The following USP44 variants were observed in gnomAD, a reference collection of about 807,000 sequenced individuals.
USP44 encodes ubiquitin carboxyl-terminal hydrolase 44.
A neutral mutation model predicts 69.0 loss-of-function variants in USP44; 61 were observed. That is an observed-to-expected ratio of 0.88 (90% confidence interval 0.72 to 1.09). The LOEUF (loss-of-function observed/expected upper bound fraction) is 1.09. Among genes scored for constraint, USP44 ranks in the 50% least tolerant of loss-of-function variants. USP44 has a pLI of 0.00. For synonymous variants in USP44, 297 were observed against 295.4 expected (o/e 1.01, Z -0.06); for missense variants, 753 against 849.9 (o/e 0.89, Z 1.42).
At chr12:95,525,490 TAAAAAAG>T (rs982648877) in intron 3 of USP44, among the ~76,000 whole-genome samples, 1 of 151,882 alleles carries the variant, frequency 6.6e-6, no homozygotes, top group African/African-American at 2.4e-5. Context: ...TCAAAAGATT[TAAAAAAG>T]AAAAAAGAAA....
At position 95,518,239 on chromosome 12, in the gene USP44, G is replaced by A. The variant is rs1031567482; in HGVS notation, c.2054C>T (p.Ser685Phe). 4 of 1,614,042 alleles carry A rather than the reference G, an allele frequency of 2.5e-6. No individual in the cohort carries two copies. The African/African-American group carries it at 5.3e-5, about 22-fold the overall frequency. ...CAGGAGCTCTGGAGGCAAAAGTTTA[G>A]AATGTCCATTCTCAGTAACTCGTTG... Reference protein sequence around the residue: ...YTQRVTENGHSKLLPPELLLG... With the variant: ...YTQRVTENGHFKLLPPELLLG... The change falls in exon 6 of 6, where the codon TCT (serine) becomes TTT (phenylalanine). Residue 685 changes from serine to phenylalanine, a missense_variant. By Grantham distance (155) the Ser-to-Phe change is radical. Coordinates refer to ENST00000258499, the MANE Select transcript of USP44 (RefSeq NM_032147.5).
rs1380136409 is a variant in USP44 at position 95,551,322 on chromosome 12, C to CA, written c.-122dup. 6.6e-6 allele frequency: 1 copy of CA among 152,444 alleles called. No homozygotes were observed. The highest frequency in any genetic ancestry group is 1.5e-5 in the Non-Finnish European group (1 of 68,038). The allele number at this position is 152,444 out of a possible 1,614,324, so 9.4% of individuals were successfully genotyped here. A position where few individuals can be genotyped will look rare whatever the true frequency, so the allele number is the denominator to read the frequency against. On this transcript the variant is annotated 5_prime_UTR_variant, in exon 1 of 6. Transcript: ENST00000258499. ...TCCCCAGGTCGGCCTTTGGATAACT[C>CA]AGAGGTCAGTCCCTGCAGGATCGCC...
chr12:95,544,429 G>A (rs1400863770), intron 1 of USP44, among the ~76,000 whole-genome samples: 1 of 152,074 alleles, frequency 6.6e-6, no homozygotes, highest in African/African-American at 2.4e-5. Context: ...GAAGACACTT[G>A]GAAAGAAAGC....
chr12:95,542,845 T>C (rs1467506438), intron 1 of USP44, among the ~76,000 whole-genome samples: 2 of 151,810 alleles, frequency 1.3e-5, no homozygotes, highest in Non-Finnish European at 2.9e-5. Context: ...TCCCAGCACT[T>C]TGGGAGGCTG....
chr12:95,551,333 C>T lies in USP44; in HGVS notation c.-132G>A, dbSNP rs984483752. The stretch of plus-strand genomic sequence containing the variant: ...GCCTTTGGATAACTCAGAGGTCAGT[C>T]CCTGCAGGATCGCCCAGTTTCCATC... On this transcript the variant is annotated 5_prime_UTR_variant, in exon 1 of 6. Coordinates refer to ENST00000258499, the MANE Select transcript of USP44 (RefSeq NM_032147.5). 2 of 152,478 alleles carry T rather than the reference C, an allele frequency of 1.3e-5. No homozygotes were observed. Among genetic ancestry groups the T allele is most frequent in the Non-Finnish European group, 2.9e-5 (2 of 68,038 alleles). The allele number at this position is 152,478 out of a possible 1,614,324, so 9.4% of individuals were successfully genotyped here. A position where few individuals can be genotyped will look rare whatever the true frequency, so the allele number is the denominator to read the frequency against.
At chr12:95,545,452 A>G (rs2077539667) in intron 1 of USP44, among the ~76,000 whole-genome samples, 1 of 152,204 alleles carries the variant, frequency 6.6e-6, no homozygotes, top group Non-Finnish European at 1.5e-5. Flanking sequence ...TATTTTCCAT[A>G]ATAAAAGATA....
At chr12:95,528,105 G>C (rs1163722792) in intron 3 of USP44, among the ~76,000 whole-genome samples, 1 of 151,822 alleles carries the variant, frequency 6.6e-6, no homozygotes, top group Non-Finnish European at 1.5e-5. Flanking sequence ...TCCCAACGTG[G>C]TAGGATTACA....
intron 5 of USP44, 145 bp from the exon 6 acceptor site, chr12:95,518,498 G>T: frequency 1.2e-6 from 1 of 815,880 alleles, no homozygotes; most frequent in Non-Finnish European, 1.9e-6. Flanking sequence ...ATTGGGCAGT[G>T]TTACCCTGGA....
In USP44 at chr12:95,532,995, T is replaced by G; in HGVS notation, c.1262A>C (p.Gln421Pro). Residue 421 changes from glutamine (Q) to proline (P), a missense_variant, in exon 2 of 6, where the codon CAA (glutamine) becomes CCA (proline). Coordinates refer to ENST00000258499, the MANE Select transcript of USP44 (RefSeq NM_032147.5). ...ACAAAGAAATTCCTGAGCGTCTTGT[T>G]GGGCGTAACCACGAAAGGCAGGAAT... is the stretch of plus-strand genomic sequence containing the variant. ...RLIPAFRGYA[Q>P]QDAQEFLCEL... 1 of 1,614,232 alleles carries G rather than the reference T, an allele frequency of 6.2e-7. No individual in the cohort carries two copies. The highest frequency in any genetic ancestry group is 8.5e-7 in the Non-Finnish European group (1 of 1,180,040).
At chr12:95,537,913 T>C (rs1354968367) in intron 1 of USP44, among the ~76,000 whole-genome samples, 1 of 152,222 alleles carries the variant, frequency 6.6e-6, no homozygotes, top group Non-Finnish European at 1.5e-5. Context: ...CTAACCTCTT[T>C]ACTCCTTTCT....
Position 95,548,433 on chromosome 12 carries a change from G to T in USP44, c.-71+2839C>A. The T allele has an allele frequency of 6.6e-6, 1 of 152,668 alleles. No individual in the cohort carries two copies. The highest frequency in any genetic ancestry group is 1.5e-5 in the Non-Finnish European group (1 of 68,438). The allele number at this position is 152,668 out of a possible 1,614,324, so 9.5% of individuals were successfully genotyped here. ...CCTCGCCCGCGCCCGTTCTCCCCCA[G>T]CTCGCCCCCTCCAGCCCGCTGCGCC... On this transcript the variant is annotated intron_variant, in intron 1 of 5. Transcript: ENST00000258499. This position sits in a 1 kb window ranked among gnomAD's most constrained non-coding sequence, Gnocchi z 4.1.
intron 1 of USP44, among the ~76,000 whole-genome samples, chr12:95,550,803 G>A (rs1251457537): frequency 6.6e-6 from 1 of 152,098 alleles, no homozygotes; most frequent in African/African-American, 2.4e-5. Context: ...AAAAGCAAAG[G>A]CAAGCTGTGT....
At chr12:95,545,556 T>C (rs936852358) in intron 1 of USP44, among the ~76,000 whole-genome samples, 1 of 152,222 alleles carries the variant, frequency 6.6e-6, no homozygotes, top group Non-Finnish European at 1.5e-5. Context: ...TTATCCATAG[T>C]TTGCAGTAAT....
chr12:95,543,922 G>T (rs1226155781), intron 1 of USP44, among the ~76,000 whole-genome samples: 2 of 115,106 alleles, frequency 1.7e-5, no homozygotes, highest in Non-Finnish European at 3.3e-5. Context: ...AGCCGAGATC[G>T]CGCCACTGCA....
intron 1 of USP44, among the ~76,000 whole-genome samples, chr12:95,544,454 T>C (rs1005464559): frequency 6.6e-6 from 1 of 152,206 alleles, no homozygotes; most frequent in Non-Finnish European, 1.5e-5. Flanking sequence ...AAAGGGACGA[T>C]ACAGCTGTAA....
chr12:95,533,415 G>GT lies in USP44; in HGVS notation c.841dup (p.Thr281AsnfsTer25), dbSNP rs1271906549. 6.2e-7 allele frequency: 1 copy of GT among 1,613,842 alleles called. No homozygotes were observed. The highest frequency in any genetic ancestry group is 2.2e-5 in the East Asian group (1 of 44,870). ...CTGAAGAACAGAATTCATATAGCAA[G>GT]TATTTCCCAAATTTCTCAATCCTGT... On this transcript the variant is annotated frameshift_variant, in exon 2 of 6. Transcript: ENST00000258499. LOFTEE classifies it high-confidence loss of function.
chr12:95,517,997 A>G lies in USP44; in HGVS notation c.*157T>C. The G allele has an allele frequency of 1.5e-6, 1 of 680,088 alleles. No homozygotes were observed. Among genetic ancestry groups the G allele is most frequent in the Non-Finnish European group, 2.3e-6 (1 of 439,744 alleles). 42.1% of individuals were successfully genotyped at this position (680,088 alleles called of 1,614,324 possible). On this transcript the variant is annotated 3_prime_UTR_variant, in exon 6 of 6. Transcript: ENST00000258499. ...AAAAGTAGTTACCTTCAGTTGATAT[A>G]TACATTTATACTTTGTAAAAAAAAA...
rs190556513 is a variant in USP44, at chr12:95,537,656, A to G, written c.-70-3330T>C. ...GTTCAACATCCTTGCAGAGGTGAAG[A>G]AGGAAATGCCAGCAAAAAAGATCAT... is the stretch of plus-strand genomic sequence containing the variant. On this transcript the variant is annotated intron_variant, in intron 1 of 5. Transcript: ENST00000258499. Among the ~76,000 whole-genome samples, 5 of 152,302 alleles carry G rather than the reference A, an allele frequency of 3.3e-5. No homozygotes were observed. The East Asian group carries it at 7.7e-4, about 24-fold the overall frequency.
At chr12:95,530,983 T>C (rs2077001327) in intron 2 of USP44, among the ~76,000 whole-genome samples, 2 of 152,008 alleles carry the variant, frequency 1.3e-5, no homozygotes, top group Admixed American at 1.3e-4. Flanking sequence ...GCTAACATGG[T>C]GAAACCCCGT....
Sources: gnomAD v4.1 joint callset for allele counts (sites outside exome capture counted in the v4.1 genomes callset) on GRCh38, gnomAD v4.1.1 for gene constraint, Gnocchi (gnomAD v3.1) non-coding constraint, MANE v1.5 for transcripts, NCBI Gene and HGNC (gene_info 2026-07-23, HGNC 2026-07-21) for gene names.